Variants in SFXN5 observed in about 807,000 individuals in gnomAD.
SFXN5 encodes the protein sideroflexin-5.
A neutral mutation model predicts 50.2 loss-of-function variants in SFXN5; 43 were observed. That is an observed-to-expected ratio of 0.86 (90% CI 0.67 to 1.11). The LOEUF (loss-of-function observed/expected upper bound fraction) is 1.11, where lower values mean the gene tolerates loss of function less well. Among genes scored for constraint, SFXN5 ranks in the 50% least tolerant of loss-of-function variants. The probability of loss-of-function intolerance (pLI) is 0.00; values close to 1 mark genes in which losing one functional copy is unlikely to be tolerated. For missense variants in SFXN5, 463 were observed against 454.1 expected (o/e 1.02, Z -0.18); for synonymous variants, 203 against 185.8 (o/e 1.09, Z -0.75).
At position 72,984,974 on chromosome 2, in the gene SFXN5, G is replaced by GT. The variant is rs1359142155; in HGVS notation, c.625+3283_625+3284insA. 2.0e-5 allele frequency among the ~76,000 whole-genome samples: 3 copies of GT among 152,146 alleles called. No individual in the cohort carries two copies. In the East Asian group the frequency reaches 5.8e-4, roughly 29 times the overall value. ...TCTTGGGGATTCCTTGTTCCCCAGA[G>GT]CTTGAGTTCCCAACCTGCTCAGAAG... On this transcript the variant is annotated intron_variant, in intron 10 of 13. Coordinates refer to ENST00000272433, the MANE Select transcript of SFXN5 (RefSeq NM_144579.3).
At chr2:72,976,605 GC>G (rs1670637214) in intron 10 of SFXN5, among the ~76,000 whole-genome samples, 2 of 152,134 alleles carry the variant, frequency 1.3e-5, no homozygotes, top group South Asian at 4.2e-4. Flanking sequence ...AGCAGTGGTG[GC>G]CACGATGCTG....
Position 72,945,001 on chromosome 2 carries a change from TCC to T in SFXN5, c.*19_*20del. The T allele has an allele frequency of 6.2e-7, 1 of 1,611,158 alleles. No homozygotes were observed. Among genetic ancestry groups the T allele is most frequent in the Non-Finnish European group, 8.5e-7 (1 of 1,178,344 alleles). On this transcript the variant is annotated 3_prime_UTR_variant, in exon 14 of 14. Transcript: ENST00000272433. The surrounding 1 kb of genome is among the most constrained non-coding windows in gnomAD (Gnocchi z 5.8). ...AGCTCCCCGGCTGCACAGTGCTCCG[TCC>T]CCAGGCCGCTGACCACACTCACAAC...
chr2:73,040,718 T>C lies in SFXN5; in HGVS notation c.249+136A>G, dbSNP rs939972390. The C allele has an allele frequency of 1.3e-5, 8 of 614,424 alleles. No individual in the cohort carries two copies. The East Asian group carries it at 2.1e-4, about 16-fold the overall frequency. 38.1% of individuals were successfully genotyped at this position (614,424 alleles called of 1,614,324 possible). A position where few individuals can be genotyped will look rare whatever the true frequency, so the allele number is the denominator to read the frequency against. ...AGATCTGAGCATCTCCAAAGAGCTT[T>C]TAGTCCACAGGGGTATGTACCAGCA... On this transcript the variant is annotated intron_variant, in intron 3 of 13. Coordinates refer to ENST00000272433, the MANE Select transcript of SFXN5 (RefSeq NM_144579.3).
rs944679620 is a variant in SFXN5, at chr2:72,943,899, T to C, written c.*1123A>G. The stretch of plus-strand genomic sequence containing the variant: ...CAGTCTTCTGGTTTCAGACAGGGAG[T>C]GGAGGCTGAGAGAAGGGAATGAATT... On this transcript the variant is annotated 3_prime_UTR_variant, in exon 14 of 14. Transcript: ENST00000272433. The C allele has an allele frequency of 1.3e-5, 2 of 152,246 alleles. No homozygotes were observed. Among genetic ancestry groups the C allele is most frequent in the African/African-American group, 4.8e-5 (2 of 41,526 alleles). The allele number at this position is 152,246 out of a possible 1,614,324, so 9.4% of individuals were successfully genotyped here.
At chr2:73,060,801 G>T (rs186891596) in intron 1 of SFXN5, among the ~76,000 whole-genome samples, 1 of 151,282 alleles carries the variant, frequency 6.6e-6, no homozygotes, top group East Asian at 2.0e-4. Context: ...TCCCGAGTTA[G>T]CAATTCTCCT....
intron 11 of SFXN5, 23 bp downstream of exon 11, chr2:72,971,547 A>G (rs747612789): frequency 7.5e-6 from 12 of 1,592,960 alleles, no homozygotes; most frequent in African/African-American, 4.0e-5. Flanking sequence ...GGCCTCCCCA[A>G]CCCTGCGAAC....
Position 72,958,649 on chromosome 2 carries a change from G to A in SFXN5, c.945+2482C>T, listed in dbSNP as rs115064470. On this transcript the variant is annotated intron_variant, in intron 13 of 13. Transcript: ENST00000272433. ...GCTGATTGCACAGACAGATGCAATG[G>A]CTTCAGGGAGTGCTGGGCTGGGACA... Among the ~76,000 whole-genome samples, 300 of 152,262 alleles carry A rather than the reference G, an allele frequency of 2.0e-3. 2 individuals carry two copies. The highest frequency in any genetic ancestry group is 6.9e-3 in the African/African-American group (285 of 41,540).
At chr2:73,071,477 C>CT (rs1491480569) in intron 1 of SFXN5, 127 bp downstream of exon 1, 3 of 804,006 alleles carry the variant, frequency 3.7e-6, no homozygotes, top group Non-Finnish European at 5.8e-6. Flanking sequence ...GGTTCCCCCC[C>CT]TGGCGCTAGC....
chr2:73,012,008 T>C (rs1675563566), intron 6 of SFXN5, among the ~76,000 whole-genome samples: 1 of 152,222 alleles, frequency 6.6e-6, no homozygotes, highest in Admixed American at 6.5e-5. Context: ...GAGGGTGCCA[T>C]TCAGCAGAGA....
intron 1 of SFXN5, among the ~76,000 whole-genome samples, chr2:73,066,386 C>T (rs1159303585): frequency 2.0e-5 from 3 of 151,844 alleles, no homozygotes; most frequent in African/African-American, 7.3e-5. Flanking sequence ...GGTGAAACCC[C>T]ATCTCTACTA....
At chr2:72,988,489 C>A in intron 9 of SFXN5, 141 bp from the exon 10 acceptor site, 1 of 726,856 alleles carries the variant, frequency 1.4e-6, no homozygotes. Context: ...CCCTAATCCT[C>A]AGCGTCACCT....
chr2:73,023,674 TCA>T (rs1288370044), intron 3 of SFXN5, among the ~76,000 whole-genome samples: 1 of 152,206 alleles, frequency 6.6e-6, no homozygotes, highest in African/African-American at 2.4e-5. Flanking sequence ...CCTCTGAGCC[TCA>T]GTTTCCTCAT....
Position 73,040,923 on chromosome 2 carries a change from G to T in SFXN5, c.180C>A (p.Leu60=). 1 of 1,612,720 alleles carries T rather than the reference G, an allele frequency of 6.2e-7. No homozygotes were observed. Among genetic ancestry groups the T allele is most frequent in the Non-Finnish European group, 8.5e-7 (1 of 1,179,720 alleles). ...CCTCCAGCAGCTGCACAGCCTCTCT[G>T]AGACGTCTCTGCAGAAGAAAGAAAA... ...PRTLFVTERR[L]REAVQLLEDY... The change falls in exon 3 of 14, where the codon CTC becomes CTA. Residue 60 remains leucine (L), a synonymous_variant. Transcript: ENST00000272433.
At position 72,963,500 on chromosome 2, in the gene SFXN5, G is replaced by A. The variant is rs149065461; in HGVS notation, c.828-2252C>T. Reference sequence around the variant, plus strand: ...CAGGAGCCTCGGAAGCCCCAGCCCAGAGCAGGCCTGAGAGCGAACACAGTA... The same window carrying A: ...CAGGAGCCTCGGAAGCCCCAGCCCAAAGCAGGCCTGAGAGCGAACACAGTA... On this transcript the variant is annotated intron_variant, in intron 12 of 13. Transcript: ENST00000272433. Among the ~76,000 whole-genome samples the A allele has an allele frequency of 1.3e-3, 195 of 151,956 alleles. 1 individual carries two copies. Among genetic ancestry groups the A allele is most frequent in the African/African-American group, 4.5e-3 (187 of 41,414 alleles).
In SFXN5 at chr2:72,944,849, T is replaced by C. The variant is rs1319043215; in HGVS notation, c.*173A>G. 1.7e-6 allele frequency: 1 copy of C among 588,306 alleles called. No individual in the cohort carries two copies. The highest frequency in any genetic ancestry group is 2.1e-5 in the South Asian group (1 of 46,700). The allele number at this position is 588,306 out of a possible 1,614,324, so 36.4% of individuals were successfully genotyped here. A position where few individuals can be genotyped will look rare whatever the true frequency, so the allele number is the denominator to read the frequency against. The stretch of plus-strand genomic sequence containing the variant: ...AATGTGTTAGAACTCCTCTTGCCTA[T>C]GTTAAAATGTGAATGGGTCAGTCTC... On this transcript the variant is annotated 3_prime_UTR_variant, in exon 14 of 14. Coordinates refer to ENST00000272433, the MANE Select transcript of SFXN5 (RefSeq NM_144579.3).
At chr2:73,020,715 A>G (rs1454622979) in intron 5 of SFXN5, 1 of 156,616 alleles carries the variant, frequency 6.4e-6, no homozygotes, top group African/African-American at 2.4e-5. Context: ...CCCCGGCATC[A>G]TGGCCATTTC....
chr2:72,997,821 G>A (rs1673430127), intron 9 of SFXN5: 2 of 152,192 alleles, frequency 1.3e-5, no homozygotes, highest in Admixed American at 1.3e-4. Flanking sequence ...TTGAACTCCT[G>A]ATCTCAGGTG....
At position 72,966,075 on chromosome 2, in the gene SFXN5, C is replaced by T. The variant is rs538479248; in HGVS notation, c.827+2373G>A. On this transcript the variant is annotated intron_variant, in intron 12 of 13. Transcript: ENST00000272433. Reference sequence around the variant, plus strand: ...CCAGGGTGGAAACCCCAGGGTGGAGCGCTCCCAGGCTCCCTCAGTTGCAGT... The same window carrying T: ...CCAGGGTGGAAACCCCAGGGTGGAGTGCTCCCAGGCTCCCTCAGTTGCAGT... Among the ~76,000 whole-genome samples, 77 of 152,256 alleles carry T rather than the reference C, an allele frequency of 5.1e-4. 1 individual carries two copies. The highest frequency in any genetic ancestry group is 1.4e-3 in the African/African-American group (60 of 41,548).
rs147731059 is a variant in SFXN5 at position 73,071,677 on chromosome 2, G to A, written c.29C>T (p.Ala10Val). Residue 10 changes from alanine to valine, a missense_variant, in exon 1 of 14, where the codon GCG (alanine) becomes GTG (valine). Transcript: ENST00000272433. ...GGCGCTAGCGGCACTAGCCGCCGCCGCCGATGCTGTAGTCGCTGTATCCGC... is the reference window on the plus strand; with the variant it reads ...GGCGCTAGCGGCACTAGCCGCCGCCACCGATGCTGTAGTCGCTGTATCCGC... Reference protein sequence around the residue: MADTATTASAAAASAASASS... With the variant: MADTATTASVAAASAASASS... 14 of 1,612,940 alleles carry A rather than the reference G, an allele frequency of 8.7e-6. No individual in the cohort carries two copies. Among genetic ancestry groups the A allele is most frequent in the Non-Finnish European group, 1.2e-5 (14 of 1,179,852 alleles).
Sources: allele counts gnomAD v4.1 joint callset (sites outside exome capture counted in the v4.1 genomes callset), GRCh38; gene constraint gnomAD v4.1.1; non-coding constraint Gnocchi (gnomAD v3.1); transcripts MANE v1.5; gene names NCBI Gene and HGNC (gene_info 2026-07-23, HGNC 2026-07-21).